The following CRELD2 variants were observed in gnomAD, a reference collection of about 807,000 sequenced individuals.
The protein encoded by CRELD2 is CRELD disulfide isomerase 2, also known as protein disulfide isomerase CRELD2.
In CRELD2, 33 loss-of-function variants were observed where a neutral mutation model predicts 48.1. That is an observed-to-expected ratio of 0.69 (90% CI 0.52 to 0.92). The LOEUF (loss-of-function observed/expected upper bound fraction) is 0.92, where lower values mean the gene tolerates loss of function less well. Among genes scored for constraint, CRELD2 ranks in the 40% least tolerant of loss-of-function variants. CRELD2 has a pLI of 0.00. For synonymous variants in CRELD2, 220 were observed against 203.9 expected (o/e 1.08, Z -0.67); for missense variants, 477 against 482.4 (o/e 0.99, Z 0.10).
chr22:49,924,973 T>C (rs9616397), intron 8 of CRELD2: 44,582 of 161,232 alleles, frequency 0.28, 7,471 homozygotes, highest in African/African-American at 0.48. Context: ...CTACTAAAAA[T>C]ACAAAAAATT....
At chr22:49,919,638 C>G in intron 2 of CRELD2, 92 bp from the exon 3 acceptor site, 1 of 934,608 alleles carries the variant, frequency 1.1e-6, no homozygotes, top group Non-Finnish European at 1.6e-6. Context: ...CCTGGCTCCC[C>G]GGCCCCTGCA....
Position 49,921,693 on chromosome 22 carries a change from C to T in CRELD2, c.524C>T (p.Pro175Leu), listed in dbSNP as rs145595543. Reference sequence around the variant, plus strand: ...CGGTGCCACATGGGGTACCAGGGCCCGCTGTGCACTGACTGCATGGACGGC... The same window carrying T: ...CGGTGCCACATGGGGTACCAGGGCCTGCTGTGCACTGACTGCATGGACGGC... ...SCRCHMGYQGPLCTDCMDGYF... is the reference protein window; with the variant it reads ...SCRCHMGYQGLLCTDCMDGYF... The change falls in exon 5 of 10, where the codon CCG becomes CTG. Residue 175 changes from proline to leucine, a missense_variant. Coordinates refer to ENST00000328268, the MANE Select transcript of CRELD2 (RefSeq NM_024324.5). 1.9e-5 allele frequency: 30 copies of T among 1,612,922 alleles called. No homozygotes were observed. In the African/African-American group the frequency reaches 2.5e-4, roughly 14 times the overall value.
intron 2 of CRELD2, 126 bp downstream of exon 2, chr22:49,919,438 C>G: frequency 3.6e-6 from 3 of 833,158 alleles, no homozygotes; most frequent in East Asian, 5.3e-5. Context: ...GTCACCCGTC[C>G]GAGTCACCTC....
chr22:49,920,390 C>T (rs574857146), intron 4 of CRELD2, 143 bp downstream of exon 4: 2 of 611,784 alleles, frequency 3.3e-6, no homozygotes, highest in Admixed American at 2.9e-5. Flanking sequence ...GGCTGCCTCC[C>T]CCATCCCCAA....
Position 49,919,756 on chromosome 22 carries a change from A to AG in CRELD2, c.243dup (p.Leu82AlafsTer33). On this transcript the variant is annotated frameshift_variant, in exon 3 of 10. Transcript: ENST00000328268. LOFTEE classifies it high-confidence loss of function. ...GAGATTCGCCTGCTGGAGATCCTGGAGGGGCTGTGCGAGAGCAGCGACTTC... is the reference window on the plus strand; with the variant it reads ...GAGATTCGCCTGCTGGAGATCCTGGAGGGGGCTGTGCGAGAGCAGCGACTTC... 1 of 1,611,650 alleles carries AG rather than the reference A, an allele frequency of 6.2e-7. No homozygotes were observed. The highest frequency in any genetic ancestry group is 8.5e-7 in the Non-Finnish European group (1 of 1,179,096).
At position 49,918,703 on chromosome 22, in the gene CRELD2, G is replaced by C; in HGVS notation, c.-67G>C. 1.7e-6 allele frequency: 1 copy of C among 593,068 alleles called. No individual in the cohort carries two copies. Among genetic ancestry groups the C allele is most frequent in the East Asian group, 3.8e-5 (1 of 26,612 alleles). The allele number at this position is 593,068 out of a possible 1,614,324, so 36.7% of individuals were successfully genotyped here. The stretch of plus-strand genomic sequence containing the variant: ...GCGGCTGGGAGCGGGTGGGCGGCCG[G>C]GAGGCCGGAGCAGCACGGCCGCAGG... On this transcript the variant is annotated 5_prime_UTR_variant, in exon 1 of 10. Coordinates refer to ENST00000328268, the MANE Select transcript of CRELD2 (RefSeq NM_024324.5).
In CRELD2 at chr22:49,924,468, G is replaced by T; in HGVS notation, c.868+13G>T. The T allele has an allele frequency of 1.3e-6, 2 of 1,578,730 alleles. No homozygotes were observed. The highest frequency in any genetic ancestry group is 1.7e-6 in the Non-Finnish European group (2 of 1,156,522). On this transcript the variant is annotated intron_variant, in intron 8 of 9. Transcript: ENST00000328268. ...GGACAGTGTGCAGGTCAGTGACGGG[G>T]TCTGTGCTGGACGCTGGTGGACCCT... is the stretch of plus-strand genomic sequence containing the variant.
Position 49,922,457 on chromosome 22 carries a change from C to T in CRELD2, c.593-155C>T, listed in dbSNP as rs370191019. The T allele has an allele frequency of 3.8e-6, 6 of 1,570,144 alleles. No individual in the cohort carries two copies. The South Asian group carries it at 4.6e-5, about 12-fold the overall frequency. On this transcript the variant is annotated intron_variant, in intron 5 of 9. Coordinates refer to ENST00000328268, the MANE Select transcript of CRELD2 (RefSeq NM_024324.5). ...CCTTCTCTCCAGGTTATTAAAAATT[C>T]CTTGGAGTCCTGGTTTGCTGAGAAT... is the stretch of plus-strand genomic sequence containing the variant.
In CRELD2 at chr22:49,918,783, G is replaced by C; in HGVS notation, c.14G>C (p.Arg5Pro). 7.9e-7 allele frequency: 1 copy of C among 1,273,834 alleles called. No homozygotes were observed. The allele number at this position is 1,273,834 out of a possible 1,614,324, so 78.9% of individuals were successfully genotyped here. MRLP[R>P]RAALGLLPLL... The stretch of plus-strand genomic sequence containing the variant: ...GCGCTACCCGCCATGCGCCTGCCGC[G>C]CCGGGCCGCGCTGGGGCTCCTGCCG... Residue 5 changes from arginine (R) to proline (P), a missense_variant, in exon 1 of 10, where the codon CGC becomes CCC. Transcript: ENST00000328268.
At chr22:49,926,924 A>G (rs1316064183) in intron 9 of CRELD2, among the ~76,000 whole-genome samples, 2 of 38,260 alleles carry the variant, frequency 5.2e-5, no homozygotes, top group Admixed American at 3.1e-4. Context: ...TCTTTCTCCT[A>G]CCTCCCCCAC....
chr22:49,922,750 C>A, intron 6 of CRELD2, 43 bp downstream of exon 6: 1 of 741,770 alleles, frequency 1.3e-6, no homozygotes. Context: ...CTGCGTGAGG[C>A]GTGGGGGGTG....
chr22:49,920,047 T>G, intron 3 of CRELD2, 109 bp from the exon 4 acceptor site: 5 of 812,976 alleles, frequency 6.2e-6, no homozygotes, highest in Non-Finnish European at 1.0e-5. Context: ...CCTAGACTCT[T>G]GTTTCCTGGA....
rs372875064 is a variant in CRELD2 at position 49,922,404 on chromosome 22, G to T, written c.593-208G>T. ...TGGCCGGAACACGCACACCCAGCCAGGCTACAGCTCCAGAGTATGGATAGC... is the reference window on the plus strand; with the variant it reads ...TGGCCGGAACACGCACACCCAGCCATGCTACAGCTCCAGAGTATGGATAGC... On this transcript the variant is annotated intron_variant, in intron 5 of 9. Coordinates refer to ENST00000328268, the MANE Select transcript of CRELD2 (RefSeq NM_024324.5). 3.9e-5 allele frequency: 62 copies of T among 1,609,278 alleles called. No homozygotes were observed. Among genetic ancestry groups the T allele is most frequent in the Non-Finnish European group, 4.8e-5 (56 of 1,177,750 alleles).
In CRELD2 at chr22:49,919,039, C is replaced by T. The variant is rs79431035; in HGVS notation, c.129+141C>T. On this transcript the variant is annotated intron_variant, in intron 1 of 9. Transcript: ENST00000328268. Reference sequence around the variant, plus strand: ...CTCACCCTGGATTCGGGATCCCCCTCACCGTCGATCCAGAGTCCCTCCACC... The same window carrying T: ...CTCACCCTGGATTCGGGATCCCCCTTACCGTCGATCCAGAGTCCCTCCACC... The T allele has an allele frequency of 0.024, 20,345 of 858,638 alleles. 1,707 individuals are homozygous for T. In the East Asian group the frequency reaches 0.24, roughly 10 times the overall value. 53.2% of individuals were successfully genotyped at this position (858,638 alleles called of 1,614,324 possible).
chr22:49,926,689 G>C (rs1337452511), intron 9 of CRELD2, among the ~76,000 whole-genome samples: 1 of 4,282 alleles, frequency 2.3e-4, no homozygotes, highest in Non-Finnish European at 4.5e-4. Context: ...CCCCCACCCC[G>C]GGTCCCCTCT....
intron 5 of CRELD2, 25 bp downstream of exon 5, chr22:49,921,786 C>G (rs2060690678): frequency 6.3e-7 from 1 of 1,590,294 alleles, no homozygotes; most frequent in Non-Finnish European, 8.6e-7. Context: ...TGGGCTGGCC[C>G]CGGGGTTGAG....
rs531619664 is a variant in CRELD2, at chr22:49,924,226, C to A, written c.773-134C>A. On this transcript the variant is annotated intron_variant, in intron 7 of 9. Coordinates refer to ENST00000328268, the MANE Select transcript of CRELD2 (RefSeq NM_024324.5). Reference sequence around the variant, plus strand: ...CTTTTGCCGGGAGACAGAGACAGATCGTTATAAAGTCACTTGGTGATGAAT... The same window carrying A: ...CTTTTGCCGGGAGACAGAGACAGATAGTTATAAAGTCACTTGGTGATGAAT... 7.2e-5 allele frequency: 44 copies of A among 610,806 alleles called. No homozygotes were observed. The African/African-American group carries it at 7.5e-4, about 10-fold the overall frequency. The allele number at this position is 610,806 out of a possible 1,614,324, so 37.8% of individuals were successfully genotyped here.
chr22:49,918,983 G>C, intron 1 of CRELD2, 85 bp downstream of exon 1: 1 of 1,182,154 alleles, frequency 8.5e-7, no homozygotes, highest in Non-Finnish European at 1.1e-6. Context: ...CTTGGGCCCA[G>C]GGTCGCCCTC....
At position 49,924,357 on chromosome 22, in the gene CRELD2, C is replaced by G; in HGVS notation, c.773-3C>G. ...GGGGTCTGACGCTGGCTCCCTGTTG[C>G]AGAGTGTGACTCCAGCTGTGTGGGC... On this transcript the variant is annotated splice_region_variant and splice_polypyrimidine_tract_variant and intron_variant, in intron 7 of 9. Coordinates refer to ENST00000328268, the MANE Select transcript of CRELD2 (RefSeq NM_024324.5). 1.2e-6 allele frequency: 2 copies of G among 1,608,686 alleles called. No individual in the cohort carries two copies. The highest frequency in any genetic ancestry group is 1.1e-5 in the South Asian group (1 of 90,282).
Sources: gnomAD v4.1 joint callset for allele counts (sites outside exome capture counted in the v4.1 genomes callset) on GRCh38, gnomAD v4.1.1 for gene constraint, MANE v1.5 for transcripts, NCBI Gene and HGNC (gene_info 2026-07-23, HGNC 2026-07-21) for gene names.